The following DYSF variants were observed in gnomAD, a reference collection of about 807,000 sequenced individuals.
DYSF encodes the protein dystrophy-associated fer-1-like 1.
A neutral mutation model predicts 274.9 loss-of-function variants in DYSF; 212 were observed. That is an observed-to-expected ratio of 0.77 (90% CI 0.69 to 0.86). DYSF has a LOEUF of 0.86. Ranked by LOEUF, DYSF falls within the 40% of genes least tolerant of loss-of-function variation. DYSF has a pLI of 0.00. For synonymous variants in DYSF, 1,091 were observed against 1,078.7 expected (o/e 1.01, Z -0.22); for missense variants, 2,666 against 2,783.2 (o/e 0.96, Z 0.95).
Position 71,551,724 on chromosome 2 carries a change from A to T in DYSF, c.1806+4A>T. On this transcript the variant is annotated splice_donor_region_variant and intron_variant, in intron 19 of 55. Coordinates refer to ENST00000410020, the MANE Select transcript of DYSF (RefSeq NM_001130987.2). ...GGATGACATCCTCCGGGTGGAGGTG[A>T]GGGGTGTGGCTCTGGGTGGGAGCTG... 3 of 1,591,820 alleles carry T rather than the reference A, an allele frequency of 1.9e-6. No individual in the cohort carries two copies. Among genetic ancestry groups the T allele is most frequent in the Non-Finnish European group, 2.6e-6 (3 of 1,170,706 alleles).
chr2:71,619,776 A>C (rs1312050293), intron 40 of DYSF, among the ~76,000 whole-genome samples: 1 of 151,834 alleles, frequency 6.6e-6, no homozygotes, highest in East Asian at 1.9e-4. Flanking sequence ...CCTGGTACTC[A>C]TTCACCCAGA....
chr2:71,670,458 C>T (rs866554750), intron 51 of DYSF, among the ~76,000 whole-genome samples: 1 of 152,218 alleles, frequency 6.6e-6, no homozygotes, highest in Admixed American at 6.5e-5. Context: ...TTCTCATATC[C>T]CATTTTCCAC....
At chr2:71,671,302 C>T (rs1247772147) in intron 51 of DYSF, among the ~76,000 whole-genome samples, 1 of 152,212 alleles carries the variant, frequency 6.6e-6, no homozygotes, top group African/African-American at 2.4e-5. Context: ...CAGGTTGAGC[C>T]TCATTTGCTG....
At chr2:71,460,020 CT>C (rs138588680) in intron 1 of DYSF, among the ~76,000 whole-genome samples, 3,452 of 152,288 alleles carry the variant, frequency 0.023, 55 homozygotes, top group African/African-American at 0.048. Context: ...TCCCGAGGAG[CT>C]GCCCTCACCT....
chr2:71,506,452 C>T (rs12469262), intron 4 of DYSF, among the ~76,000 whole-genome samples: 61,619 of 151,928 alleles, frequency 0.41, 14,228 homozygotes, highest in Non-Finnish European at 0.51. Context: ...GATTGACTGA[C>T]AATGGCCTTG....
intron 3 of DYSF, 93 bp from the exon 4 acceptor site, chr2:71,503,121 C>A: frequency 8.7e-7 from 1 of 1,150,096 alleles, no homozygotes; most frequent in Non-Finnish European, 1.3e-6. Context: ...CTAGGCAGAC[C>A]AGCCTCATCT....
At chr2:71,646,103 A>T (rs1199189298) in intron 42 of DYSF, among the ~76,000 whole-genome samples, 1 of 152,226 alleles carries the variant, frequency 6.6e-6, no homozygotes, top group Non-Finnish European at 1.5e-5. Context: ...CTGCTCAGAG[A>T]TGAGGCACAG....
chr2:71,608,709 G>C (rs752269900), intron 36 of DYSF, among the ~76,000 whole-genome samples: 4 of 152,016 alleles, frequency 2.6e-5, no homozygotes, highest in Non-Finnish European at 4.4e-5. Context: ...AGCCTTTAGA[G>C]AGGAATGTCA....
intron 22 of DYSF, among the ~76,000 whole-genome samples, chr2:71,560,134 T>C (rs1052991064): frequency 9.9e-5 from 15 of 152,208 alleles, no homozygotes; most frequent in African/African-American, 3.4e-4. Context: ...TCTCCCCTTC[T>C]TTCCGTACCC....
chr2:71,559,230 G>A (rs1224960498), intron 22 of DYSF, among the ~76,000 whole-genome samples: 2 of 152,166 alleles, frequency 1.3e-5, no homozygotes, highest in Non-Finnish European at 1.5e-5. Flanking sequence ...TCCGTGCTGC[G>A]TCTGGGGCTA....
At chr2:71,634,575 TGTGA>T (rs749066248) in intron 41 of DYSF, among the ~76,000 whole-genome samples, 87 of 152,354 alleles carry the variant, frequency 5.7e-4, no homozygotes, top group Admixed American at 9.1e-4. Flanking sequence ...AAGTCACATC[TGTGA>T]GTGTGTTAAA....
rs1159887430 is a variant in DYSF at position 71,490,171 on chromosome 2, AC to A, written c.239+8203del. Among the ~76,000 whole-genome samples, 3 of 152,196 alleles carry A rather than the reference AC, an allele frequency of 2.0e-5. No homozygotes were observed. In the East Asian group the frequency reaches 5.8e-4, roughly 29 times the overall value. On this transcript the variant is annotated intron_variant, in intron 3 of 55. Coordinates refer to ENST00000410020, the MANE Select transcript of DYSF (RefSeq NM_001130987.2). ...CATGCATTTTTTTAAATTTAAAACA[AC>A]CAAAAAATTTCACGGAAGTATAAAA...
chr2:71,681,168 C>A (rs2095291930), intron 54 of DYSF, 58 bp downstream of exon 54: 1 of 1,514,656 alleles, frequency 6.6e-7, no homozygotes, highest in African/African-American at 1.4e-5. Context: ...AGGCCACAGT[C>A]CAGGAGGCAT....
chr2:71,459,296 G>A (rs561459558), intron 1 of DYSF, among the ~76,000 whole-genome samples: 1 of 152,326 alleles, frequency 6.6e-6, no homozygotes, highest in African/African-American at 2.4e-5. Flanking sequence ...CTAACATTAG[G>A]AGAATGTGGC....
chr2:71,522,247 C>T (rs145822684), intron 12 of DYSF, among the ~76,000 whole-genome samples: 4 of 151,830 alleles, frequency 2.6e-5, no homozygotes, highest in Middle Eastern at 3.4e-3. Flanking sequence ...TCATCACCAA[C>T]TTTTGAAAGG....
chr2:71,570,818 C>T lies in DYSF; in HGVS notation c.3228+77C>T, dbSNP rs1475605031. On this transcript the variant is annotated intron_variant, in intron 29 of 55. Transcript: ENST00000410020. ...GTAGGCACAGATGCAGACCTGCATG[C>T]CCACAGACACATGCATGTGTGCACA... 3.8e-6 allele frequency: 6 copies of T among 1,580,690 alleles called. No homozygotes were observed. The African/African-American group carries it at 5.4e-5, about 14-fold the overall frequency.
chr2:71,573,883 C>T (rs1446008493), intron 29 of DYSF, among the ~76,000 whole-genome samples: 17 of 152,092 alleles, frequency 1.1e-4, no homozygotes, highest in African/African-American at 3.4e-4. Context: ...AGTGCAGTGG[C>T]GCAATCTCGG....
chr2:71,526,481 G>A (rs2087935588), intron 13 of DYSF, 135 bp downstream of exon 13: 2 of 1,310,676 alleles, frequency 1.5e-6, no homozygotes, highest in East Asian at 5.0e-5. Context: ...AGAATTTAAC[G>A]AAAAGTAATC....
At chr2:71,585,617 C>A (rs1417802941) in intron 30 of DYSF, among the ~76,000 whole-genome samples, 1 of 152,174 alleles carries the variant, frequency 6.6e-6, no homozygotes, top group East Asian at 1.9e-4. Context: ...GGCGGATCCC[C>A]ACCGGGCCGG....
Sources: allele counts gnomAD v4.1 joint callset (sites outside exome capture counted in the v4.1 genomes callset), GRCh38; gene constraint gnomAD v4.1.1; transcripts MANE v1.5; gene names NCBI Gene and HGNC (gene_info 2026-07-23, HGNC 2026-07-21).